KHDRBS2: variants seen among roughly 807,000 people sequenced by gnomAD.
The protein encoded by KHDRBS2 is KH domain-containing, RNA-binding, signal transduction-associated protein 2.
In KHDRBS2, 26 loss-of-function variants were observed where a neutral mutation model predicts 44.3. That is an observed-to-expected ratio of 0.59 (90% CI 0.43 to 0.81). The LOEUF (loss-of-function observed/expected upper bound fraction) is 0.81. KHDRBS2 is among the 40% of genes least tolerant of loss of function. The probability of loss-of-function intolerance (pLI) is 0.00; values close to 1 mark genes in which losing one functional copy is unlikely to be tolerated. For synonymous variants in KHDRBS2, 194 were observed against 151.1 expected (o/e 1.28, Z -2.08); for missense variants, 476 against 433.1 (o/e 1.10, Z -0.88).
At chr6:62,054,786 A>C (rs774865505) in intron 2 of KHDRBS2, among the ~76,000 whole-genome samples, 13 of 152,066 alleles carry the variant, frequency 8.5e-5, no homozygotes, top group Non-Finnish European at 1.6e-4. Flanking sequence ...TTCAGCTTCA[A>C]AGAAATCATT....
At chr6:62,013,391 T>A (rs1780649491) in intron 3 of KHDRBS2, among the ~76,000 whole-genome samples, 1 of 152,130 alleles carries the variant, frequency 6.6e-6, no homozygotes. Flanking sequence ...ATGTATCAAT[T>A]AAAATTTACT....
intron 6 of KHDRBS2, among the ~76,000 whole-genome samples, chr6:61,745,300 G>C (rs1296609509): frequency 6.6e-6 from 1 of 152,098 alleles, no homozygotes; most frequent in Non-Finnish European, 1.5e-5. Context: ...AAAATATTCG[G>C]TTGTCAGTAG....
At chr6:61,663,391 A>ACC in the KHDRBS2 span, among the ~76,000 whole-genome samples, 14 of 148,182 alleles carry the variant, frequency 9.4e-5, no homozygotes, top group African/African-American at 3.2e-4. Flanking sequence ...CCTAAAACTT[A>ACC]AAGTATAATA....
At position 62,075,733 on chromosome 6, in the gene KHDRBS2, C is replaced by T. The variant is rs1401550973; in HGVS notation, c.220-27739G>A. 2.6e-5 allele frequency among the ~76,000 whole-genome samples: 4 copies of T among 151,912 alleles called. No homozygotes were observed. In the East Asian group the frequency reaches 5.8e-4, roughly 22 times the overall value. ...AGGCTTTATGCCATGAGCACAATTTCACTTTGACATTGTGGGCATATTATG... is the reference window on the plus strand; with the variant it reads ...AGGCTTTATGCCATGAGCACAATTTTACTTTGACATTGTGGGCATATTATG... On this transcript the variant is annotated intron_variant, in intron 2 of 8. Transcript: ENST00000281156.
chr6:61,573,792 G>GA, the KHDRBS2 span, among the ~76,000 whole-genome samples: 41 of 146,050 alleles, frequency 2.8e-4, no homozygotes, highest in East Asian at 2.6e-3. Context: ...TCTGTCTCAG[G>GA]AAAAAAAAAA....
intron 3 of KHDRBS2, among the ~76,000 whole-genome samples, chr6:62,018,297 ATATGTGTGTGTGTGTGTGTGTGTG>A (rs1781600553): frequency 7.2e-6 from 1 of 138,490 alleles, no homozygotes; most frequent in African/African-American, 2.9e-5. Flanking sequence ...CTATATATAT[ATATGTGTGTGTGTGTGTGTGTGTG>A]TGTGTGTGTG....
chr6:61,847,527 T>C (rs771162556), intron 6 of KHDRBS2, among the ~76,000 whole-genome samples: 12 of 152,122 alleles, frequency 7.9e-5, no homozygotes, highest in Non-Finnish European at 1.8e-4. Flanking sequence ...ATGAGCTATG[T>C]ATGTGTGACA....
intron 1 of KHDRBS2, among the ~76,000 whole-genome samples, chr6:62,224,611 C>G (rs1453451742): frequency 6.6e-6 from 1 of 152,162 alleles, no homozygotes; most frequent in African/African-American, 2.4e-5. Flanking sequence ...TTGGCATACA[C>G]AATTTTCTCC....
intron 2 of KHDRBS2, among the ~76,000 whole-genome samples, chr6:62,064,957 A>C (rs1186974001): frequency 6.6e-6 from 1 of 152,000 alleles, no homozygotes; most frequent in African/African-American, 2.4e-5. Context: ...CAACCCCATC[A>C]AAAAGTGGGT....
chr6:62,041,584 C>T lies in KHDRBS2; in HGVS notation c.336+6294G>A, dbSNP rs770595184. 9.2e-5 allele frequency among the ~76,000 whole-genome samples: 14 copies of T among 151,970 alleles called. 1 individual carries two copies. Among genetic ancestry groups the T allele is most frequent in the Non-Finnish European group, 1.8e-4 (12 of 67,980 alleles). On this transcript the variant is annotated intron_variant, in intron 3 of 8. Coordinates refer to ENST00000281156, the MANE Select transcript of KHDRBS2 (RefSeq NM_152688.4). ...CTTCTAGGGAAATAAGGGTACAGTA[C>T]AAATAATGAGTCACAAGTGACAATG... is the stretch of plus-strand genomic sequence containing the variant.
At chr6:61,791,303 A>G (rs1329268976) in intron 6 of KHDRBS2, among the ~76,000 whole-genome samples, 1 of 149,584 alleles carries the variant, frequency 6.7e-6, no homozygotes, top group Non-Finnish European at 1.5e-5. Flanking sequence ...TCTTTTCTTC[A>G]TCTTTCTTTC....
At chr6:61,714,350 A>AC (rs1771035012) in intron 7 of KHDRBS2, among the ~76,000 whole-genome samples, 1 of 152,004 alleles carries the variant, frequency 6.6e-6, no homozygotes, top group Non-Finnish European at 1.5e-5. Context: ...ATACCATCTC[A>AC]CATCAGTCCA....
At chr6:62,119,044 T>G (rs1288465724) in intron 2 of KHDRBS2, among the ~76,000 whole-genome samples, 2 of 152,182 alleles carry the variant, frequency 1.3e-5, no homozygotes, top group African/African-American at 4.8e-5. Flanking sequence ...ATACAGATTT[T>G]GGTACCAGAA....
chr6:62,025,038 A>C (rs1444428500), intron 3 of KHDRBS2, among the ~76,000 whole-genome samples: 1 of 151,686 alleles, frequency 6.6e-6, no homozygotes, highest in Non-Finnish European at 1.5e-5. Context: ...AAAATCAATA[A>C]AGTATTGAAA....
At chr6:61,634,378 C>T in the KHDRBS2 span, among the ~76,000 whole-genome samples, 1 of 151,952 alleles carries the variant, frequency 6.6e-6, no homozygotes, top group East Asian at 1.9e-4. Context: ...TCATTCATTT[C>T]TTTTAATGAA....
chr6:62,013,866 C>A (rs538951012), intron 3 of KHDRBS2, among the ~76,000 whole-genome samples: 54 of 152,234 alleles, frequency 3.5e-4, no homozygotes, highest in Admixed American at 1.3e-3. Context: ...TGTGGCAAAT[C>A]GCAGAACGGT....
At chr6:61,960,504 G>C (rs1288052582) in intron 4 of KHDRBS2, among the ~76,000 whole-genome samples, 1 of 151,984 alleles carries the variant, frequency 6.6e-6, no homozygotes, top group Non-Finnish European at 1.5e-5. Context: ...CAATAATGTG[G>C]TGAAATAAAG....
chr6:62,131,996 C>T (rs1287808564), intron 2 of KHDRBS2, among the ~76,000 whole-genome samples: 1 of 152,102 alleles, frequency 6.6e-6, no homozygotes, highest in Admixed American at 6.6e-5. Flanking sequence ...TCAGTGAAAT[C>T]ACTCAGTATA....
At chr6:62,088,868 T>C (rs1798937138) in intron 2 of KHDRBS2, among the ~76,000 whole-genome samples, 1 of 152,162 alleles carries the variant, frequency 6.6e-6, no homozygotes, top group South Asian at 2.1e-4. Context: ...GGGAGTTTTA[T>C]CTATAAGCCC....
Sources: allele counts gnomAD v4.1 joint callset (sites outside exome capture counted in the v4.1 genomes callset), GRCh38; gene constraint gnomAD v4.1.1; transcripts MANE v1.5; gene names NCBI Gene and HGNC (gene_info 2026-07-23, HGNC 2026-07-21).